The following CELF2 variants were observed in gnomAD, a reference collection of about 807,000 sequenced individuals.
CELF2 encodes CUG triplet repeat RNA-binding protein 2.
A neutral mutation model predicts 62.6 loss-of-function variants in CELF2; 8 were observed. That is an observed-to-expected ratio of 0.13 (90% CI 0.07 to 0.23). The LOEUF is 0.23. CELF2 is among the 10% of genes least tolerant of loss of function. The pLI, the probability that CELF2 is intolerant of heterozygous loss-of-function variation, is 1.00. For missense variants in CELF2, 333 were observed against 671.0 expected (o/e 0.50, Z 5.56); for synonymous variants, 258 against 250.0 (o/e 1.03, Z -0.30).
At chr10:10,705,852 T>C in the CELF2 span, among the ~76,000 whole-genome samples, 2 of 152,170 alleles carry the variant, frequency 1.3e-5, no homozygotes, top group Non-Finnish European at 2.9e-5. Context: ...ATTATGCCAC[T>C]CTGCCAGTGT....
chr10:11,107,456 G>C (rs1380754625), intron 1 of CELF2, among the ~76,000 whole-genome samples: 1 of 152,136 alleles, frequency 6.6e-6, no homozygotes, highest in African/African-American at 2.4e-5. Flanking sequence ...TGGCCGCTTA[G>C]ATGCTACCCT....
chr10:11,045,350 A>G (rs1227854674), intron 1 of CELF2, among the ~76,000 whole-genome samples: 2 of 152,090 alleles, frequency 1.3e-5, no homozygotes, highest in Non-Finnish European at 2.9e-5. Flanking sequence ...CAGTCCTCCC[A>G]CTTCAAACTC....
chr10:10,803,581 C>T (rs1564642533), intron 1 of CELF2, among the ~76,000 whole-genome samples: 1 of 152,208 alleles, frequency 6.6e-6, no homozygotes, highest in Non-Finnish European at 1.5e-5. Flanking sequence ...CAAAAGTCAA[C>T]CTCTAGCACA....
At chr10:10,880,241 G>T (rs965366366) in intron 1 of CELF2, among the ~76,000 whole-genome samples, 1 of 152,172 alleles carries the variant, frequency 6.6e-6, no homozygotes, top group African/African-American at 2.4e-5. Flanking sequence ...GGGCCTACCA[G>T]GGAGGAGAAA....
chr10:11,305,983 A>G lies in CELF2; in HGVS notation c.977-8156A>G, dbSNP rs11257052. On this transcript the variant is annotated intron_variant, in intron 9 of 12. Transcript: ENST00000633077. This position sits in a 1 kb window ranked among gnomAD's most constrained non-coding sequence, Gnocchi z 4.8. ...CTTTGTCTGCACATGAGCTGATAAA[A>G]CCATGGCCATCCTTGCCTGCTCAAC... 2.0e-4 allele frequency among the ~76,000 whole-genome samples: 31 copies of G among 152,254 alleles called. No homozygotes were observed. The East Asian group carries it at 6.0e-3, about 29-fold the overall frequency.
intron 2 of CELF2, chr10:10,920,120 C>T (rs2064747312): frequency 1.6e-6 from 1 of 625,636 alleles, no homozygotes; most frequent in Non-Finnish European, 2.3e-6. Flanking sequence ...GATTTTGATA[C>T]CTCATACATC....
chr10:11,012,901 G>A (rs530382674), upstream of CELF2, among the ~76,000 whole-genome samples: 18 of 152,056 alleles, frequency 1.2e-4, no homozygotes, highest in East Asian at 1.2e-3. This position sits in a 1 kb window ranked among gnomAD's most constrained non-coding sequence, Gnocchi z 5.5. Flanking sequence ...AGTGCCTGCC[G>A]TGTGCAAATC....
chr10:10,464,127 C>T, the CELF2 span, among the ~76,000 whole-genome samples: 1 of 152,046 alleles, frequency 6.6e-6, no homozygotes, highest in East Asian at 1.9e-4. Flanking sequence ...GCCCCTGGGT[C>T]CTCACCGGTG....
At chr10:10,919,255 G>A (rs1335368814) in intron 1 of CELF2, among the ~76,000 whole-genome samples, 1 of 146,756 alleles carries the variant, frequency 6.8e-6, no homozygotes, top group Admixed American at 6.9e-5. Flanking sequence ...GGGCAAAAGA[G>A]AGATACTCTG....
the CELF2 span, among the ~76,000 whole-genome samples, chr10:10,762,316 G>C: frequency 6.6e-6 from 1 of 152,144 alleles, no homozygotes; most frequent in Non-Finnish European, 1.5e-5. Context: ...GCAGTATTCA[G>C]GGGCCTGAGT....
In CELF2 at chr10:11,008,872, T is replaced by C. The variant is rs1291893; in HGVS notation, c.53+3432T>C. Among the ~76,000 whole-genome samples, 39,401 of 152,104 alleles carry C rather than the reference T, an allele frequency of 0.26. 9,955 individuals carry two copies. The highest frequency in any genetic ancestry group is 0.66 in the African/African-American group (27,411 of 41,438). ...GTTTGTTTTGTGGCATCATCTTCTTTGTGGCATTGATCTGTACTTTCTGGA... is the reference window on the plus strand; with the variant it reads ...GTTTGTTTTGTGGCATCATCTTCTTCGTGGCATTGATCTGTACTTTCTGGA... On this transcript the variant is annotated intron_variant, in intron 1 of 12. Coordinates refer to the CELF2 transcript ENST00000416382. This position sits in a 1 kb window ranked among gnomAD's most constrained non-coding sequence, Gnocchi z 4.5.
At chr10:10,933,055 G>A (rs2066251163) in intron 2 of CELF2, among the ~76,000 whole-genome samples, 1 of 152,156 alleles carries the variant, frequency 6.6e-6, no homozygotes, top group Admixed American at 6.5e-5. Flanking sequence ...AGCACTTTGG[G>A]AGGCTGAGGC....
chr10:10,511,168 G>A, the CELF2 span, among the ~76,000 whole-genome samples: 1 of 152,202 alleles, frequency 6.6e-6, no homozygotes, highest in African/African-American at 2.4e-5. Context: ...TCAGCACTTT[G>A]GGAGGCCAAG....
rs1192505338 is a variant in CELF2, at chr10:11,306,286, T to C, written c.977-7853T>C. ...CCTCTCCTGAGATGCTCCTTTGGCA[T>C]TTTGTAAAACTTTTAAGTGAGAAAG... is the stretch of plus-strand genomic sequence containing the variant. On this transcript the variant is annotated intron_variant, in intron 9 of 12. Transcript: ENST00000633077. The surrounding 1 kb of genome is among the most constrained non-coding windows in gnomAD (Gnocchi z 4.4). Among the ~76,000 whole-genome samples the C allele has an allele frequency of 6.6e-6, 1 of 152,028 alleles. No individual in the cohort carries two copies. Among genetic ancestry groups the C allele is most frequent in the African/African-American group, 2.4e-5 (1 of 41,384 alleles).
chr10:11,280,428 TC>T lies in CELF2; in HGVS notation c.841+5313del, dbSNP rs2087960803. On this transcript the variant is annotated intron_variant, in intron 8 of 12. Transcript: ENST00000633077. This position sits in a 1 kb window ranked among gnomAD's most constrained non-coding sequence, Gnocchi z 7.6. ...CAGTGCCTTTCCCCAAAACCGTTTCTCCCCCGCATAGGAGGGGAAGGCAGGC... is the reference window on the plus strand; with the variant it reads ...CAGTGCCTTTCCCCAAAACCGTTTCTCCCCGCATAGGAGGGGAAGGCAGGC... Among the ~76,000 whole-genome samples the T allele has an allele frequency of 6.6e-6, 1 of 152,026 alleles. No homozygotes were observed. Among genetic ancestry groups the T allele is most frequent in the African/African-American group, 2.4e-5 (1 of 41,384 alleles).
At chr10:10,646,527 T>A in the CELF2 span, among the ~76,000 whole-genome samples, 1 of 152,286 alleles carries the variant, frequency 6.6e-6, no homozygotes, top group South Asian at 2.1e-4. Context: ...GCTACAACAC[T>A]TGGTAGTGTT....
the CELF2 span, among the ~76,000 whole-genome samples, chr10:10,466,667 G>A: frequency 6.6e-6 from 1 of 152,068 alleles, no homozygotes; most frequent in Non-Finnish European, 1.5e-5. Flanking sequence ...ACTTTCTCCC[G>A]CAATGTTGGA....
chr10:10,755,135 T>A, the CELF2 span, among the ~76,000 whole-genome samples: 1 of 152,194 alleles, frequency 6.6e-6, no homozygotes, highest in African/African-American at 2.4e-5. Context: ...AATGCAGGTT[T>A]GTAATCTCAA....
chr10:11,236,754 T>A (rs1282522016), intron 3 of CELF2, among the ~76,000 whole-genome samples: 2 of 152,214 alleles, frequency 1.3e-5, no homozygotes, highest in Non-Finnish European at 2.9e-5. Context: ...GAAGTATAGC[T>A]GTTTCTGTAT....
Sources: allele counts gnomAD v4.1 joint callset (sites outside exome capture counted in the v4.1 genomes callset), GRCh38; gene constraint gnomAD v4.1.1; non-coding constraint Gnocchi (gnomAD v3.1); transcripts MANE v1.5; gene names NCBI Gene and HGNC (gene_info 2026-07-23, HGNC 2026-07-21).